Variants in MTFR2 observed in about 807,000 individuals in gnomAD.
The protein encoded by MTFR2 is mitochondrial fission regulator 2.
MTFR2 carries 44 observed loss-of-function variants against 41.2 expected under a neutral mutation model. That is an observed-to-expected ratio of 1.07 (90% CI 0.84 to 1.37). MTFR2 has a LOEUF of 1.37. Among genes scored for constraint, MTFR2 ranks in the 40% most tolerant of loss-of-function variants. MTFR2 has a pLI of 0.00. For synonymous variants in MTFR2, 141 were observed against 154.6 expected, an observed-to-expected ratio of 0.91 and a Z score of 0.65; for missense variants, 452 against 459.5, an observed-to-expected ratio of 0.98 and a Z score of 0.15.
intron 2 of MTFR2, 85 bp from the exon 3 acceptor site, chr6:136,244,954 C>A: frequency 2.0e-5 from 19 of 935,300 alleles, no homozygotes; most frequent in South Asian, 7.3e-5. Context: ...GTAAAAAAGA[C>A]AAAAAAGACG....
intron 4 of MTFR2, 96 bp from the exon 5 acceptor site, chr6:136,241,772 T>C: frequency 1.1e-6 from 1 of 924,286 alleles, no homozygotes; most frequent in Non-Finnish European, 1.6e-6. Flanking sequence ...CAAAAGACAA[T>C]AAAACAAAAT....
intron 1 of MTFR2, among the ~76,000 whole-genome samples, chr6:136,249,487 C>T (rs1780304391): frequency 6.6e-6 from 1 of 152,150 alleles, no homozygotes; most frequent in African/African-American, 2.4e-5. Context: ...AAGCTTTGGG[C>T]TGAGACTCTT....
rs897329825 is a variant in MTFR2, at chr6:136,243,669, C to T, written c.169-696G>A. 4.6e-5 allele frequency among the ~76,000 whole-genome samples: 7 copies of T among 150,654 alleles called. No homozygotes were observed. In the South Asian group the frequency reaches 6.3e-4, roughly 13 times the overall value. ...TTGAGGCTGCAGTGAGCCGTTATCA[C>T]GCGACTCCACTTCGTTCAGCCTGGG... On this transcript the variant is annotated intron_variant, in intron 3 of 7. Coordinates refer to ENST00000420702, the MANE Select transcript of MTFR2 (RefSeq NM_001099286.3).
Position 136,239,639 on chromosome 6 carries a change from T to A in MTFR2, c.696A>T (p.Gly232=). The A allele has an allele frequency of 1.2e-6, 2 of 1,613,962 alleles. No individual in the cohort carries two copies. Among genetic ancestry groups the A allele is most frequent in the Middle Eastern group, 3.3e-4 (2 of 6,058 alleles). Residue 232 remains glycine, a synonymous_variant, in exon 6 of 8, where the codon GGA becomes GGT. Transcript: ENST00000420702. The part of the protein sequence containing the change: ...QPPCFPPVQP[G]SNNICDSDNP... Reference sequence around the variant, plus strand: ...TATCTGAGTCACAAATATTATTAGATCCTGGTTGTACGGGAGGAAAACACG... The same window carrying A: ...TATCTGAGTCACAAATATTATTAGAACCTGGTTGTACGGGAGGAAAACACG...
chr6:136,233,181 AC>A, intron 7 of MTFR2, 143 bp downstream of exon 7: 1 of 583,422 alleles, frequency 1.7e-6, no homozygotes, highest in Non-Finnish European at 2.8e-6. Flanking sequence ...CAACAAAAAA[AC>A]CCCAGAAACA....
At chr6:136,248,413 C>T (rs1583977272) in intron 2 of MTFR2, among the ~76,000 whole-genome samples, 1 of 152,260 alleles carries the variant, frequency 6.6e-6, no homozygotes, top group South Asian at 2.1e-4. Context: ...ATACTATGCT[C>T]GTGGTAGTGA....
At chr6:136,248,472 C>T (rs1398505713) in intron 2 of MTFR2, among the ~76,000 whole-genome samples, 2 of 152,212 alleles carry the variant, frequency 1.3e-5, no homozygotes, top group African/African-American at 2.4e-5. Context: ...TTCCCCTGCA[C>T]AAGCTCTCTT....
chr6:136,242,683 A>T (rs1013348797), intron 4 of MTFR2, among the ~76,000 whole-genome samples, 178 bp downstream of exon 4: 2 of 152,200 alleles, frequency 1.3e-5, no homozygotes, highest in African/African-American at 4.8e-5. Flanking sequence ...GCACTAAAAA[A>T]AAAACAACTG....
At chr6:136,249,406 A>G (rs1322667291) in intron 1 of MTFR2, among the ~76,000 whole-genome samples, 1 of 152,222 alleles carries the variant, frequency 6.6e-6, no homozygotes, top group African/African-American at 2.4e-5. Context: ...GAGACCAATC[A>G]ACAAACTGGA....
At chr6:136,249,265 C>A in intron 1 of MTFR2, 112 bp from the exon 2 acceptor site, 2 of 520,346 alleles carry the variant, frequency 3.8e-6, no homozygotes, top group South Asian at 3.0e-5. Context: ...TTTCTCCTAG[C>A]CAGCATTCTT....
Position 136,239,568 on chromosome 6 carries a change from G to A in MTFR2, c.767C>T (p.Thr256Ile), listed in dbSNP as rs749548137. The A allele has an allele frequency of 6.2e-7, 1 of 1,614,052 alleles. No homozygotes were observed. Among genetic ancestry groups the A allele is most frequent in the Non-Finnish European group, 8.5e-7 (1 of 1,179,992 alleles). Residue 256 changes from threonine (T) to isoleucine (I), a missense_variant, in exon 6 of 8, where the codon ACC becomes ATC. Coordinates refer to ENST00000420702, the MANE Select transcript of MTFR2 (RefSeq NM_001099286.3). ...GCTTTTTGAATGATGACTATAATTG[G>A]TCTTATTAGCAGCCGGGTTCTGTTT... is the stretch of plus-strand genomic sequence containing the variant. ...MSKQNPAANKTNYSHHSKSQR... is the reference protein window; with the variant it reads ...MSKQNPAANKINYSHHSKSQR...
At chr6:136,239,204 C>T (rs1217386101) in intron 6 of MTFR2, among the ~76,000 whole-genome samples, 1 of 151,954 alleles carries the variant, frequency 6.6e-6, no homozygotes, top group East Asian at 1.9e-4. Context: ...AAAATATATT[C>T]CTAATATCCT....
chr6:136,233,124 A>G (rs1487016027), intron 7 of MTFR2: 9 of 433,074 alleles, frequency 2.1e-5, no homozygotes, highest in East Asian at 3.6e-5. Flanking sequence ...TTTTATTTCA[A>G]AAGAGCTCAT....
At chr6:136,241,791 C>T (rs1780081009) in intron 4 of MTFR2, 115 bp from the exon 5 acceptor site, 7 of 833,712 alleles carry the variant, frequency 8.4e-6, no homozygotes, top group African/African-American at 1.7e-5. Context: ...ATAAAAGCTA[C>T]TCTCAGGCCG....
intron 7 of MTFR2, 108 bp downstream of exon 7, chr6:136,233,217 A>G (rs772474377): frequency 1.1e-6 from 1 of 881,172 alleles, no homozygotes; most frequent in Non-Finnish European, 1.7e-6. Flanking sequence ...AAACAATTAT[A>G]TAGCCCATTC....
intron 2 of MTFR2, among the ~76,000 whole-genome samples, chr6:136,246,124 C>T (rs748402197): frequency 4.6e-5 from 7 of 152,200 alleles, no homozygotes; most frequent in Non-Finnish European, 1.0e-4. Context: ...CTACCTATGA[C>T]ATATACAGTC....
chr6:136,246,969 G>A (rs1006344529), intron 2 of MTFR2, among the ~76,000 whole-genome samples: 6 of 152,192 alleles, frequency 3.9e-5, no homozygotes, highest in African/African-American at 1.4e-4. Context: ...TTACCTGCAA[G>A]TGACCTTGTC....
chr6:136,238,423 C>G (rs1033055096), intron 6 of MTFR2, among the ~76,000 whole-genome samples: 1 of 151,124 alleles, frequency 6.6e-6, no homozygotes. Flanking sequence ...CTGGGCAACA[C>G]AGTGAAATCC....
At chr6:136,241,293 G>T in intron 5 of MTFR2, 151 bp downstream of exon 5, 18 of 593,112 alleles carry the variant, frequency 3.0e-5, no homozygotes, top group South Asian at 1.6e-4. Context: ...TGTTTTCATG[G>T]TACTTATTCA....
Sources: allele counts gnomAD v4.1 joint callset (sites outside exome capture counted in the v4.1 genomes callset), GRCh38; gene constraint gnomAD v4.1.1; transcripts MANE v1.5; gene names NCBI Gene and HGNC (gene_info 2026-07-23, HGNC 2026-07-21).